Variants in CLN3 observed in about 807,000 individuals in gnomAD.
The protein encoded by CLN3 is CLN3 lysosomal/endosomal transmembrane protein, battenin, also known as battenin.
Under a neutral mutation model 60.7 loss-of-function variants are expected in CLN3, and 49 were observed. The observed-to-expected ratio is 0.81, with a 90% CI of 0.64 to 1.02. The LOEUF (loss-of-function observed/expected upper bound fraction) is 1.02. Ranked by LOEUF, CLN3 falls within the 50% of genes least tolerant of loss-of-function variation. The pLI, the probability that CLN3 is intolerant of heterozygous loss-of-function variation, is 0.00. For missense variants in CLN3, 516 were observed against 557.4 expected, an observed-to-expected ratio of 0.93 and a Z score of 0.75; for synonymous variants, 256 against 245.8, an observed-to-expected ratio of 1.04 and a Z score of -0.39.
intron 5 of CLN3, chr16:28,487,988 C>T: frequency 2.0e-6 from 1 of 498,250 alleles, no homozygotes; most frequent in Non-Finnish European, 3.7e-6. Flanking sequence ...CACAGGACTG[C>T]TGTGTGGCTT....
chr16:28,484,957 T>A (rs1044897387), intron 9 of CLN3: 1 of 151,950 alleles, frequency 6.6e-6, no homozygotes, highest in African/African-American at 2.4e-5. Context: ...TGTGTTTTTT[T>A]TTTTTTTAGA....
chr16:28,481,458 A>ACACACG (rs1555468022), intron 14 of CLN3, among the ~76,000 whole-genome samples: 17,738 of 126,932 alleles, frequency 0.14, 1,246 homozygotes, highest in Non-Finnish European at 0.21. Flanking sequence ...ACACACGCAC[A>ACACACG]CACACACACA....
At chr16:28,470,547 G>A (rs371249939), downstream of CLN3, 42 of 174,296 alleles carry the variant, frequency 2.4e-4, 1 homozygote, top group Middle Eastern at 2.2e-3. Flanking sequence ...GAGTTGGGGC[G>A]GGGGAGGGGA....
At chr16:28,491,027 A>C (rs2046305355) in intron 3 of CLN3, 1 of 156,548 alleles carries the variant, frequency 6.4e-6, no homozygotes, top group South Asian at 2.0e-4. Context: ...CTGTGATTGC[A>C]CTACTGCATT....
chr16:28,481,460 A>ACACG (rs761076929), intron 14 of CLN3, among the ~76,000 whole-genome samples: 3,242 of 148,502 alleles, frequency 0.022, 38 homozygotes, highest in Non-Finnish European at 0.036. Flanking sequence ...ACACGCACAC[A>ACACG]CACACACACA....
At chr16:28,468,762 G>A in the CLN3 span, among the ~76,000 whole-genome samples, 460 of 112,210 alleles carry the variant, frequency 4.1e-3, no homozygotes, top group African/African-American at 0.013. Flanking sequence ...AGCCGAGATC[G>A]CACCACTGCA....
At chr16:28,470,619 A>G (rs1230749296), downstream of CLN3, 35 of 8,238 alleles carry the variant, frequency 4.2e-3, no homozygotes, top group East Asian at 0.029. Flanking sequence ...AGGGGAGGGG[A>G]AGGGGAGGGG....
intron 14 of CLN3, among the ~76,000 whole-genome samples, chr16:28,478,238 G>A (rs193655): frequency 6.6e-6 from 1 of 151,266 alleles, no homozygotes; most frequent in Non-Finnish European, 1.5e-5. Flanking sequence ...CTGGGAGGCA[G>A]AGGCTGCAGT....
downstream of CLN3, chr16:28,469,661 T>C (rs369808477): frequency 1.3e-5 from 4 of 310,312 alleles, no homozygotes; most frequent in African/African-American, 7.0e-5. Context: ...TGCTGGTGTA[T>C]GTACTTTCCA....
At chr16:28,491,242 G>C (rs1239679929) in intron 3 of CLN3, among the ~76,000 whole-genome samples, 1 of 152,142 alleles carries the variant, frequency 6.6e-6, no homozygotes, top group East Asian at 1.9e-4. Flanking sequence ...GGCTGAATTG[G>C]CTGGAAGAAA....
downstream of CLN3, among the ~76,000 whole-genome samples, chr16:28,475,066 A>G (rs1014292273): frequency 6.6e-6 from 1 of 152,236 alleles, no homozygotes; most frequent in Admixed American, 6.5e-5. Context: ...CTTGGACAAC[A>G]TGGTGAAACC....
Position 28,491,694 on chromosome 16 carries a change from G to C in CLN3, c.46+20C>G. The stretch of plus-strand genomic sequence containing the variant: ...CGAGCCAGAGGTGGTCGTTCCATGA[G>C]GGTGGGCGGGAATACTCACCCTCGG... On this transcript the variant is annotated intron_variant, in intron 2 of 15. Coordinates refer to ENST00000636147, the MANE Select transcript of CLN3 (RefSeq NM_001042432.2). 2 of 1,614,154 alleles carry C rather than the reference G, an allele frequency of 1.2e-6. No individual in the cohort carries two copies. Among genetic ancestry groups the C allele is most frequent in the Non-Finnish European group, 1.7e-6 (2 of 1,180,036 alleles).
chr16:28,487,567 G>A lies in CLN3; in HGVS notation c.375-26C>T, dbSNP rs2046241407. 3 of 1,604,442 alleles carry A rather than the reference G, an allele frequency of 1.9e-6. No individual in the cohort carries two copies. In the East Asian group the frequency reaches 6.7e-5, roughly 36 times the overall value. ...CTGAGGGGGTGAGAAGGGAAGGGAG[G>A]GGGAAGGTCGGTCTCTACTCTCAGC... On this transcript the variant is annotated intron_variant, in intron 6 of 15. Transcript: ENST00000636147.
chr16:28,478,413 C>T (rs911629140), intron 14 of CLN3, among the ~76,000 whole-genome samples: 13 of 151,342 alleles, frequency 8.6e-5, no homozygotes, highest in Admixed American at 2.6e-4. Flanking sequence ...GCCAGGAGTT[C>T]GAGACCAGCC....
In CLN3 at chr16:28,489,315, T is replaced by TG; in HGVS notation, c.196_197insC (p.Lys66ThrfsTer26). On this transcript the variant is annotated frameshift_variant, in exon 4 of 16. Transcript: ENST00000636147. LOFTEE classifies it high-confidence loss of function. Reference sequence around the variant, plus strand: ...ATGGCTCTGGTTTCCCGATGTCCTCTTGTGGCTAAGGATGTCGTGGGCGGC... The same window carrying TG: ...ATGGCTCTGGTTTCCCGATGTCCTCTGTGTGGCTAAGGATGTCGTGGGCGGC... The TG allele has an allele frequency of 6.2e-7, 1 of 1,613,516 alleles. No individual in the cohort carries two copies. The highest frequency in any genetic ancestry group is 8.5e-7 in the Non-Finnish European group (1 of 1,179,788).
Position 28,477,428 on chromosome 16 carries a change from C to T in CLN3, c.*88G>A, listed in dbSNP as rs1567253342. The T allele has an allele frequency of 3.8e-6, 6 of 1,574,108 alleles. No homozygotes were observed. The highest frequency in any genetic ancestry group is 2.2e-5 in the South Asian group (2 of 89,634). ...TGCCGGGAAGGCTGGGAGCACAGTT[C>T]ATGGAGGGTCTCTGGGGTGGGCCTG... On this transcript the variant is annotated 3_prime_UTR_variant, in exon 16 of 16. Coordinates refer to ENST00000636147, the MANE Select transcript of CLN3 (RefSeq NM_001042432.2).
chr16:28,468,762 G>C, the CLN3 span, among the ~76,000 whole-genome samples: 1 of 112,326 alleles, frequency 8.9e-6, no homozygotes, highest in African/African-American at 2.9e-5. Context: ...AGCCGAGATC[G>C]CACCACTGCA....
chr16:28,491,344 C>T (rs2046309911), intron 3 of CLN3, 138 bp downstream of exon 3: 11 of 1,269,026 alleles, frequency 8.7e-6, no homozygotes, highest in South Asian at 6.4e-5. Context: ...ACATGCTGCC[C>T]CTGGGGCAAA....
intron 9 of CLN3, 47 bp from the exon 10 acceptor site, chr16:28,484,165 AGGTCCCCAGGG>A: frequency 7.0e-7 from 1 of 1,432,232 alleles, no homozygotes; most frequent in South Asian, 1.2e-5. Flanking sequence ...CTGGCTGGGA[AGGTCCCCAGGG>A]ACCATCTAGG....
Sources: allele counts gnomAD v4.1 joint callset (sites outside exome capture counted in the v4.1 genomes callset), GRCh38; gene constraint gnomAD v4.1.1; transcripts MANE v1.5; gene names NCBI Gene and HGNC (gene_info 2026-07-23, HGNC 2026-07-21).